The following DPYSL3 variants were observed in gnomAD, a reference collection of about 807,000 sequenced individuals.
DPYSL3 encodes dihydropyrimidinase like 3, also known as dihydropyrimidinase-related protein 3.
Under a neutral mutation model 66.1 loss-of-function variants are expected in DPYSL3, and 16 were observed. That is an observed-to-expected ratio of 0.24 (90% CI 0.16 to 0.37). The LOEUF (loss-of-function observed/expected upper bound fraction) is 0.37. Among genes scored for constraint, DPYSL3 ranks in the 10% least tolerant of loss-of-function variants. The pLI is 1.00. For synonymous variants in DPYSL3, 338 were observed against 345.1 expected, an observed-to-expected ratio of 0.98 and a Z score of 0.23; for missense variants, 738 against 916.2, an observed-to-expected ratio of 0.81 and a Z score of 2.51.
At chr5:147,473,046 T>C (rs1179383217) in intron 1 of DPYSL3, 5 of 152,204 alleles carry the variant, frequency 3.3e-5, no homozygotes, top group African/African-American at 7.2e-5. Flanking sequence ...CTTTTTCTTT[T>C]GTTTTCTTTT....
chr5:147,453,128 C>A (rs1581202651), intron 1 of DPYSL3, among the ~76,000 whole-genome samples: 1 of 152,048 alleles, frequency 6.6e-6, no homozygotes, highest in East Asian at 1.9e-4. Flanking sequence ...TGCCAAGTAC[C>A]CCTGGGGAAA....
At chr5:147,488,735 C>A (rs970208163) in intron 1 of DPYSL3, among the ~76,000 whole-genome samples, 20 of 151,898 alleles carry the variant, frequency 1.3e-4, no homozygotes, top group African/African-American at 4.6e-4. Flanking sequence ...AATATATTGG[C>A]CAGGAGCAGT....
chr5:147,419,712 C>A (rs1163852622), intron 2 of DPYSL3, among the ~76,000 whole-genome samples: 1 of 152,208 alleles, frequency 6.6e-6, no homozygotes. Flanking sequence ...AAGTCTACCA[C>A]TGGCCTCTCA....
At chr5:147,419,977 T>A (rs547396296) in intron 2 of DPYSL3, among the ~76,000 whole-genome samples, 1 of 152,268 alleles carries the variant, frequency 6.6e-6, no homozygotes, top group African/African-American at 2.4e-5. Flanking sequence ...TGTGTTTTCA[T>A]CCATTTTGAC....
intron 1 of DPYSL3, among the ~76,000 whole-genome samples, chr5:147,451,318 G>A (rs1026516411): frequency 2.0e-5 from 3 of 152,166 alleles, no homozygotes; most frequent in Non-Finnish European, 4.4e-5. Context: ...TGGAGATACA[G>A]CCCCAGCTTC....
At chr5:147,506,964 A>G (rs1370898442) in intron 1 of DPYSL3, among the ~76,000 whole-genome samples, 2 of 152,212 alleles carry the variant, frequency 1.3e-5, no homozygotes, top group Non-Finnish European at 2.9e-5. Context: ...TTTTCGGCCA[A>G]TGAAATGTGA....
In DPYSL3 at chr5:147,399,416, C is replaced by T. The variant is rs551152546; in HGVS notation, c.1453-164G>A. ...ACCTCACTCAGCAAGCTCGAATTAG[C>T]TGGGCTGTCGTGACTACTCAGGTAA... On this transcript the variant is annotated intron_variant, in intron 10 of 13. Coordinates refer to ENST00000343218, the MANE Select transcript of DPYSL3 (RefSeq NM_001197294.2). 1.6e-4 allele frequency among the ~76,000 whole-genome samples: 24 copies of T among 152,300 alleles called. No individual in the cohort carries two copies. In the South Asian group the frequency reaches 4.6e-3, roughly 29 times the overall value.
chr5:147,496,430 T>G (rs1249486036), intron 1 of DPYSL3, among the ~76,000 whole-genome samples: 1 of 151,840 alleles, frequency 6.6e-6, no homozygotes, highest in African/African-American at 2.4e-5. Flanking sequence ...GCTTCTGCAC[T>G]GCAAAAGAAA....
At chr5:147,503,314 G>A (rs1316699200) in intron 1 of DPYSL3, among the ~76,000 whole-genome samples, 4 of 152,054 alleles carry the variant, frequency 2.6e-5, no homozygotes. Context: ...ATGATCATAA[G>A]ATGTTTTCTT....
Position 147,418,509 on chromosome 5 carries a change from G to A in DPYSL3, c.593C>T (p.Thr198Ile). ...THFQMPYKGM[T>I]TVDDFFQGTK... Reference sequence around the variant, plus strand: ...CCCTTGGAAGAAGTCATCTACTGTGGTCATTCCCTTATATGGCATCTGGAA... The same window carrying A: ...CCCTTGGAAGAAGTCATCTACTGTGATCATTCCCTTATATGGCATCTGGAA... Residue 198 changes from threonine (T) to isoleucine (I), a missense_variant, in exon 3 of 14, where the codon ACC becomes ATC. Physicochemically the swap from Thr to Ile is moderately conservative, Grantham distance 89 (BLOSUM62 -1). Transcript: ENST00000343218. The A allele has an allele frequency of 6.2e-7, 1 of 1,613,584 alleles. No individual in the cohort carries two copies. The highest frequency in any genetic ancestry group is 8.5e-7 in the Non-Finnish European group (1 of 1,179,744).
chr5:147,391,236 A>G lies in DPYSL3; in HGVS notation c.*2799T>C, dbSNP rs1016191695. On this transcript the variant is annotated 3_prime_UTR_variant, in exon 14 of 14. Transcript: ENST00000343218. The stretch of plus-strand genomic sequence containing the variant: ...CCCTTTGTGGAAACATGACACTCTC[A>G]GTATAGACAGTCGTGAAGAACAAGG... The G allele has an allele frequency of 2.6e-5, 4 of 152,624 alleles. No homozygotes were observed. Among genetic ancestry groups the G allele is most frequent in the African/African-American group, 7.2e-5 (3 of 41,446 alleles). The allele number at this position is 152,624 out of a possible 1,614,324, so 9.5% of individuals were successfully genotyped here.
rs752411530 is a variant in DPYSL3 at position 147,415,782 on chromosome 5, A to G, written c.747T>C (p.Tyr249=). 3 of 1,614,130 alleles carry G rather than the reference A, an allele frequency of 1.9e-6. No individual in the cohort carries two copies. The highest frequency in any genetic ancestry group is 2.5e-6 in the Non-Finnish European group (3 of 1,179,998). Residue 249 remains tyrosine, a synonymous_variant, in exon 4 of 14, where the codon TAT becomes TAC. Coordinates refer to ENST00000343218, the MANE Select transcript of DPYSL3 (RefSeq NM_001197294.2). ...EWADGKSCCD[Y]ALHVDITHWN... is the part of the protein sequence containing the mutation. The stretch of plus-strand genomic sequence containing the variant: ...AGTGGGTGATGTCCACATGCAGGGC[A>G]TAGTCACAGCAACTCTTCCCATCAG...
chr5:147,433,064 G>A (rs1363985316), intron 1 of DPYSL3, among the ~76,000 whole-genome samples: 2 of 152,080 alleles, frequency 1.3e-5, no homozygotes, highest in Non-Finnish European at 2.9e-5. Context: ...ACTAGAAAAG[G>A]GACAAAATTT....
intron 1 of DPYSL3, among the ~76,000 whole-genome samples, chr5:147,460,209 T>C (rs1752912557): frequency 6.6e-6 from 1 of 152,194 alleles, no homozygotes; most frequent in Non-Finnish European, 1.5e-5. Context: ...TGAAGTTACA[T>C]TCATACGAGG....
At chr5:147,458,974 T>G (rs1266526167) in intron 1 of DPYSL3, among the ~76,000 whole-genome samples, 2 of 148,368 alleles carry the variant, frequency 1.3e-5, no homozygotes, top group Non-Finnish European at 2.9e-5. Context: ...ACACTATTTT[T>G]AATATTTTGA....
chr5:147,408,943 GGGTA>G (rs554926701), intron 6 of DPYSL3, 147 bp from the exon 7 acceptor site: 43 of 746,280 alleles, frequency 5.8e-5, no homozygotes, highest in Non-Finnish European at 9.0e-5. Context: ...TTGCAATATA[GGGTA>G]GACTCAACTA....
At chr5:147,446,650 A>C (rs1752635141) in intron 1 of DPYSL3, among the ~76,000 whole-genome samples, 1 of 152,246 alleles carries the variant, frequency 6.6e-6, no homozygotes, top group Admixed American at 6.5e-5. Flanking sequence ...AGAGTGAGAA[A>C]GGGCCTTAGA....
intron 1 of DPYSL3, among the ~76,000 whole-genome samples, chr5:147,440,282 G>A (rs913714063): frequency 1.3e-5 from 2 of 152,178 alleles, no homozygotes; most frequent in Non-Finnish European, 2.9e-5. Flanking sequence ...CAGCCTGGGT[G>A]ACAGAGTGAG....
At chr5:147,470,623 T>C (rs1753072263) in intron 1 of DPYSL3, among the ~76,000 whole-genome samples, 1 of 152,180 alleles carries the variant, frequency 6.6e-6, no homozygotes, top group Non-Finnish European at 1.5e-5. Flanking sequence ...ACACTTGACC[T>C]CTGCTCATCT....
Sources: allele counts gnomAD v4.1 joint callset (sites outside exome capture counted in the v4.1 genomes callset), GRCh38; gene constraint gnomAD v4.1.1; transcripts MANE v1.5; gene names NCBI Gene and HGNC (gene_info 2026-07-23, HGNC 2026-07-21).